The following FAM13B variants were observed in gnomAD, a reference collection of about 807,000 sequenced individuals.
FAM13B encodes family with sequence similarity 13 member B.
In FAM13B, 60 loss-of-function variants were observed where a neutral mutation model predicts 117.3. The observed-to-expected ratio is 0.51, with a 90% CI of 0.42 to 0.63. FAM13B has a LOEUF of 0.63. Ranked by LOEUF, FAM13B falls within the 30% of genes least tolerant of loss-of-function variation. FAM13B has a pLI of 0.00. For missense variants in FAM13B, 972 were observed against 1,091.9 expected, an observed-to-expected ratio of 0.89 and a Z score of 1.55; for synonymous variants, 332 against 356.1, an observed-to-expected ratio of 0.93 and a Z score of 0.76.
chr5:138,009,576 G>A (rs1170969290), intron 6 of FAM13B, among the ~76,000 whole-genome samples: 3 of 152,114 alleles, frequency 2.0e-5, no homozygotes, highest in African/African-American at 2.4e-5. Context: ...AGGTAGAGGT[G>A]GGTGGATCAC....
At chr5:138,040,746 G>A (rs1791475560) in intron 1 of FAM13B, among the ~76,000 whole-genome samples, 3 of 151,804 alleles carry the variant, frequency 2.0e-5, no homozygotes, top group Admixed American at 1.3e-4. Context: ...CAGAGAGAAA[G>A]GGGATCTTAA....
At chr5:137,946,332 T>TAAAAAAAAAAAAAA in intron 18 of FAM13B, 21 bp from the exon 19 acceptor site, 1 of 1,285,998 alleles carries the variant, frequency 7.8e-7, no homozygotes, top group African/African-American at 1.7e-5. Flanking sequence ...ACAAAAAAAA[T>TAAAAAAAAAAAAAA]AACAAAATAC....
At chr5:138,027,330 CA>C (rs764388305) in intron 1 of FAM13B, among the ~76,000 whole-genome samples, 1 of 152,148 alleles carries the variant, frequency 6.6e-6, no homozygotes, top group Non-Finnish European at 1.5e-5. Context: ...CACTGGTATA[CA>C]AAGTCAGAAA....
At chr5:137,996,179 AG>A (rs1170144472) in intron 7 of FAM13B, among the ~76,000 whole-genome samples, 1 of 152,192 alleles carries the variant, frequency 6.6e-6, no homozygotes, top group Non-Finnish European at 1.5e-5. Context: ...ACTCTCACCC[AG>A]GCTGGAGTGC....
intron 10 of FAM13B, among the ~76,000 whole-genome samples, chr5:137,968,845 G>A (rs1410626494): frequency 6.6e-6 from 1 of 152,196 alleles, no homozygotes; most frequent in Non-Finnish European, 1.5e-5. Flanking sequence ...AGAAAGTGGT[G>A]ACAGACGGCA....
chr5:137,954,166 C>T lies in FAM13B; in HGVS notation c.1718G>A (p.Arg573Lys), dbSNP rs1016077022. 1.9e-6 allele frequency: 3 copies of T among 1,611,208 alleles called. No individual in the cohort carries two copies. The highest frequency in any genetic ancestry group is 2.5e-6 in the Non-Finnish European group (3 of 1,178,124). ...DSSSKALSFTRIRRSSFSSKD... is the reference protein window; with the variant it reads ...DSSSKALSFTKIRRSSFSSKD... ...TTGTAAGTACATAAAAATCATATAC[C>T]TAGTAAAAGACAGTGCTTTAGATGA... Residue 573 changes from arginine to lysine, a missense_variant and splice_region_variant, in exon 15 of 24, where the codon AGA (arginine) becomes AAA (lysine). Physicochemically the swap from Arg to Lys is conservative, Grantham distance 26. Coordinates refer to ENST00000689681, the MANE Select transcript of FAM13B (RefSeq NM_001385994.1).
At chr5:138,008,939 T>G (rs1244427909) in intron 6 of FAM13B, among the ~76,000 whole-genome samples, 1 of 152,180 alleles carries the variant, frequency 6.6e-6, no homozygotes, top group African/African-American at 2.4e-5. Flanking sequence ...GGGCAGAAGA[T>G]CGAGACCAGC....
rs189997629 is a variant in FAM13B at position 137,982,507 on chromosome 5, C to A, written c.1179+2750G>T. On this transcript the variant is annotated intron_variant, in intron 10 of 23. Transcript: ENST00000689681. ...ACTGCTCCAGCCTGGGCAAGAAGAGCGAAACTCCATCTCAAAAACAACAAC... is the reference window on the plus strand; with the variant it reads ...ACTGCTCCAGCCTGGGCAAGAAGAGAGAAACTCCATCTCAAAAACAACAAC... Among the ~76,000 whole-genome samples the A allele has an allele frequency of 2.7e-5, 4 of 146,250 alleles. No homozygotes were observed. In the East Asian group the frequency reaches 8.4e-4, roughly 31 times the overall value.
At chr5:137,954,808 G>A (rs1038502674) in intron 14 of FAM13B, among the ~76,000 whole-genome samples, 4 of 151,898 alleles carry the variant, frequency 2.6e-5, no homozygotes, top group African/African-American at 9.7e-5. Context: ...TGTTGGTAGA[G>A]ACGAGGTCTC....
chr5:137,946,017 A>G lies in FAM13B; in HGVS notation c.2245-20T>C. 2 of 1,583,700 alleles carry G rather than the reference A, an allele frequency of 1.3e-6. No individual in the cohort carries two copies. Among genetic ancestry groups the G allele is most frequent in the Admixed American group, 1.7e-5 (1 of 58,182 alleles). The stretch of plus-strand genomic sequence containing the variant: ...GGTCACCTGAAGCAAGAAAAAAAAG[A>G]AATTGTCTAGTCATCACAAATCTAA... On this transcript the variant is annotated intron_variant, in intron 19 of 23. Transcript: ENST00000689681.
chr5:137,972,858 ATTGCT>A (rs1225404757), intron 10 of FAM13B, among the ~76,000 whole-genome samples: 1 of 152,100 alleles, frequency 6.6e-6, no homozygotes, highest in South Asian at 2.1e-4. Flanking sequence ...CCCATTCACA[ATTGCT>A]TCAAAGAGAA....
upstream of FAM13B, chr5:138,036,103 G>T (rs1791130603): frequency 3.2e-6 from 1 of 308,624 alleles, no homozygotes; most frequent in African/African-American, 2.2e-5. Flanking sequence ...TTTATTGTGG[G>T]ACAAGGTTGT....
intron 12 of FAM13B, 110 bp downstream of exon 12, chr5:137,960,056 G>C (rs1767715419): frequency 4.1e-6 from 3 of 734,896 alleles, no homozygotes; most frequent in Non-Finnish European, 4.5e-6. Context: ...TATTTGGTAA[G>C]AGTATTTATA....
chr5:137,991,054 G>A (rs995696843), intron 7 of FAM13B, among the ~76,000 whole-genome samples: 1 of 152,056 alleles, frequency 6.6e-6, no homozygotes, highest in African/African-American at 2.4e-5. Context: ...CAAAAGGGGA[G>A]GATGGATTTT....
chr5:138,003,964 G>A (rs1303055967), intron 7 of FAM13B, among the ~76,000 whole-genome samples: 2 of 152,082 alleles, frequency 1.3e-5, no homozygotes, highest in African/African-American at 4.8e-5. Flanking sequence ...CCTAGGAGCT[G>A]CAATTAAAGA....
In FAM13B at chr5:137,941,063, G is replaced by A. The variant is rs143841710; in HGVS notation, c.2691-715C>T. Among the ~76,000 whole-genome samples, 945 of 152,090 alleles carry A rather than the reference G, an allele frequency of 6.2e-3. 13 individuals carry two copies. Among genetic ancestry groups the A allele is most frequent in the African/African-American group, 0.022 (910 of 41,496 alleles). On this transcript the variant is annotated intron_variant, in intron 23 of 23. Coordinates refer to ENST00000689681, the MANE Select transcript of FAM13B (RefSeq NM_001385994.1). Reference sequence around the variant, plus strand: ...TGGAACTACAGGTGCCCGCCACCACGCCTGCCTAATTTTTTTTGTATTTTT... The same window carrying A: ...TGGAACTACAGGTGCCCGCCACCACACCTGCCTAATTTTTTTTGTATTTTT...
chr5:137,960,632 T>A (rs1767881315), intron 11 of FAM13B, among the ~76,000 whole-genome samples: 1 of 152,192 alleles, frequency 6.6e-6, no homozygotes, highest in Admixed American at 6.5e-5. Context: ...TTTAAAAAGG[T>A]ATCACTATGT....
chr5:137,991,586 G>A (rs1020790612), intron 7 of FAM13B, among the ~76,000 whole-genome samples: 6 of 151,960 alleles, frequency 3.9e-5, no homozygotes, highest in Admixed American at 2.0e-4. Context: ...AAATAGTATG[G>A]CACCCACACA....
chr5:137,969,336 C>A (rs564738185), intron 10 of FAM13B, among the ~76,000 whole-genome samples: 53 of 152,322 alleles, frequency 3.5e-4, no homozygotes, highest in African/African-American at 1.2e-3. Flanking sequence ...GGGAGGCACC[C>A]CCAGCAGGGG....
Sources: allele counts gnomAD v4.1 joint callset (sites outside exome capture counted in the v4.1 genomes callset), GRCh38; gene constraint gnomAD v4.1.1; transcripts MANE v1.5; gene names NCBI Gene and HGNC (gene_info 2026-07-23, HGNC 2026-07-21).